Variants in MDGA2 observed in about 807,000 individuals in gnomAD.
MDGA2 encodes the protein MAM domain containing glycosylphosphatidylinositol anchor 2, also known as MAM domain-containing glycosylphosphatidylinositol anchor protein 2.
MDGA2 carries 40 observed loss-of-function variants against 117.8 expected under a neutral mutation model. That is an observed-to-expected ratio of 0.34 (90% CI 0.26 to 0.44). The LOEUF (loss-of-function observed/expected upper bound fraction) is 0.44, where lower values mean the gene tolerates loss of function less well. Ranked by LOEUF, MDGA2 falls within the 20% of genes least tolerant of loss-of-function variation. MDGA2 has a pLI of 1.00. For missense variants in MDGA2, 1,123 were observed against 1,250.6 expected (o/e 0.90, Z 1.54); for synonymous variants, 452 against 439.0 (o/e 1.03, Z -0.37).
chr14:47,440,330 C>T (rs565489736), intron 1 of MDGA2, among the ~76,000 whole-genome samples: 1 of 152,214 alleles, frequency 6.6e-6, no homozygotes, highest in East Asian at 1.9e-4. Context: ...TACCAGAGTT[C>T]CCCTGAGGGA....
At position 46,992,679 on chromosome 14, in the gene MDGA2, C is replaced by T. The variant is rs555093309; in HGVS notation, c.1820-35036G>A. 9.9e-5 allele frequency among the ~76,000 whole-genome samples: 15 copies of T among 152,016 alleles called. 1 individual carries two copies. Among genetic ancestry groups the T allele is most frequent in the Non-Finnish European group, 2.1e-4 (14 of 67,966 alleles). Reference sequence around the variant, plus strand: ...TACTTCATAGTAATTTGATAGAGACCGGAGTTCTCCAGTAATCATATACTT... The same window carrying T: ...TACTTCATAGTAATTTGATAGAGACTGGAGTTCTCCAGTAATCATATACTT... On this transcript the variant is annotated intron_variant, in intron 8 of 16. Coordinates refer to ENST00000399232, the MANE Select transcript of MDGA2 (RefSeq NM_001113498.3).
intron 14 of MDGA2, among the ~76,000 whole-genome samples, chr14:46,866,137 A>AACT (rs1881748397): frequency 6.6e-6 from 1 of 152,078 alleles, no homozygotes. Context: ...CCTGACTTCA[A>AACT]ACTATACTTC....
rs1884796221 is a variant in MDGA2 at position 47,183,629 on chromosome 14, T to C, written c.595+34392A>G. Among the ~76,000 whole-genome samples the C allele has an allele frequency of 3.3e-5, 5 of 152,104 alleles. No individual in the cohort carries two copies. The South Asian group carries it at 1.0e-3, about 32-fold the overall frequency. On this transcript the variant is annotated intron_variant, in intron 3 of 16. Transcript: ENST00000399232. ...ATAGCAAACACTGCAACAATAATTA[T>C]AATAGCATATTTATTGATCACTTAC...
intron 1 of MDGA2, among the ~76,000 whole-genome samples, chr14:47,362,514 T>G (rs1409729164): frequency 6.6e-6 from 1 of 152,166 alleles, no homozygotes; most frequent in Non-Finnish European, 1.5e-5. Flanking sequence ...ATCCAGCTAT[T>G]TGCTGCGTTG....
chr14:47,353,043 C>T (rs1050317862), intron 1 of MDGA2, among the ~76,000 whole-genome samples: 1 of 152,056 alleles, frequency 6.6e-6, no homozygotes, highest in African/African-American at 2.4e-5. Context: ...GATGAGGCAA[C>T]ATTAATTATT....
At chr14:47,096,579 T>A (rs995253367) in intron 6 of MDGA2, among the ~76,000 whole-genome samples, 1 of 152,008 alleles carries the variant, frequency 6.6e-6, no homozygotes. Context: ...TCTTTCAATC[T>A]TTTTTTAGCT....
In MDGA2 at chr14:47,405,417, T is replaced by C. The variant is rs77017134; in HGVS notation, c.281-103867A>G. Among the ~76,000 whole-genome samples, 1,040 of 152,288 alleles carry C rather than the reference T, an allele frequency of 6.8e-3. 7 individuals carry two copies. The highest frequency in any genetic ancestry group is 8.9e-3 in the Non-Finnish European group (603 of 68,000). On this transcript the variant is annotated intron_variant, in intron 1 of 16. Transcript: ENST00000399232. ...ATGAAAAAGATGGTTACATGGTGCT[T>C]TTTAAAATATCTGAGAATTAATCAT...
intron 1 of MDGA2, among the ~76,000 whole-genome samples, chr14:47,395,980 G>A (rs7149474): frequency 0.99 from 150,081 of 152,254 alleles, 74,010 homozygotes; most frequent in East Asian, 1. Flanking sequence ...AGTAAACCCA[G>A]GTCTTCATAT....
intron 1 of MDGA2, among the ~76,000 whole-genome samples, chr14:47,406,552 C>T (rs949119709): frequency 1.3e-5 from 2 of 151,904 alleles, no homozygotes; most frequent in East Asian, 1.9e-4. Flanking sequence ...GTATTTACAT[C>T]CTATTAATTT....
chr14:47,211,118 T>C (rs1594725454), intron 3 of MDGA2, among the ~76,000 whole-genome samples: 2 of 152,190 alleles, frequency 1.3e-5, no homozygotes, highest in African/African-American at 4.8e-5. Context: ...TAACAGTCTA[T>C]CTTTCAATTT....
intron 1 of MDGA2, among the ~76,000 whole-genome samples, chr14:47,327,757 C>T (rs759772355): frequency 9.9e-5 from 15 of 152,078 alleles, no homozygotes; most frequent in Non-Finnish European, 2.1e-4. Context: ...ATATACTGGG[C>T]TCTTTGTTGT....
intron 3 of MDGA2, among the ~76,000 whole-genome samples, chr14:47,195,580 T>C (rs761472459): frequency 1.6e-4 from 25 of 152,062 alleles, no homozygotes; most frequent in Non-Finnish European, 2.5e-4. Context: ...AGAAATAACC[T>C]GGTGATTTGC....
intron 6 of MDGA2, among the ~76,000 whole-genome samples, chr14:47,082,767 C>T (rs1890754740): frequency 6.6e-6 from 1 of 151,608 alleles, no homozygotes; most frequent in Admixed American, 6.6e-5. Context: ...AACAGGTGTT[C>T]TCAGATAAAA....
chr14:47,596,126 T>C (rs1343498796), intron 1 of MDGA2, among the ~76,000 whole-genome samples: 1 of 152,188 alleles, frequency 6.6e-6, no homozygotes, highest in Non-Finnish European at 1.5e-5. Flanking sequence ...GTGAGGGTAG[T>C]TACACAGATG....
rs1407093225 is a variant in MDGA2, at chr14:47,332,411, G to GA, written c.281-30862dup. 1.3e-4 allele frequency among the ~76,000 whole-genome samples: 19 copies of GA among 151,684 alleles called. 1 individual carries two copies. In the South Asian group the frequency reaches 3.9e-3, roughly 31 times the overall value. On this transcript the variant is annotated intron_variant, in intron 1 of 16. Transcript: ENST00000399232. ...AACAACATTAAAACAATGGCAACAAGAAAAAATTAAACAGCCAATTTGAGT... is the reference window on the plus strand; with the variant it reads ...AACAACATTAAAACAATGGCAACAAGAAAAAAATTAAACAGCCAATTTGAGT...
rs116930174 is a variant in MDGA2, at chr14:47,413,930, C to T, written c.281-112380G>A. Among the ~76,000 whole-genome samples, 22 of 152,180 alleles carry T rather than the reference C, an allele frequency of 1.4e-4. No individual in the cohort carries two copies. In the East Asian group the frequency reaches 3.9e-3, roughly 27 times the overall value. On this transcript the variant is annotated intron_variant, in intron 1 of 16. Coordinates refer to ENST00000399232, the MANE Select transcript of MDGA2 (RefSeq NM_001113498.3). ...TCTGTTATGAATATCATTAAAACTACACAGTGCCTATGTCTCAGGCTCTTT... is the reference window on the plus strand; with the variant it reads ...TCTGTTATGAATATCATTAAAACTATACAGTGCCTATGTCTCAGGCTCTTT...
intron 1 of MDGA2, among the ~76,000 whole-genome samples, chr14:47,564,593 T>C (rs984204411): frequency 1.3e-5 from 2 of 152,162 alleles, no homozygotes; most frequent in Non-Finnish European, 1.5e-5. Context: ...CTCCCACATG[T>C]GAGAATTATG....
At chr14:47,445,618 C>T (rs183601293) in intron 1 of MDGA2, among the ~76,000 whole-genome samples, 1 of 152,148 alleles carries the variant, frequency 6.6e-6, no homozygotes, top group African/African-American at 2.4e-5. Flanking sequence ...ATTGAAAAAA[C>T]CCAAGTGTAA....
At chr14:47,654,137 C>T (rs891185672) in intron 1 of MDGA2, among the ~76,000 whole-genome samples, 7 of 152,110 alleles carry the variant, frequency 4.6e-5, no homozygotes, top group Non-Finnish European at 1.0e-4. Flanking sequence ...TGTAAAAATT[C>T]CTTAGGTTCA....
Sources: gnomAD v4.1 joint callset for allele counts (sites outside exome capture counted in the v4.1 genomes callset) on GRCh38, gnomAD v4.1.1 for gene constraint, MANE v1.5 for transcripts, NCBI Gene and HGNC (gene_info 2026-07-23, HGNC 2026-07-21) for gene names.